Variants in CDH13 observed in about 807,000 individuals in gnomAD.
CDH13 encodes cadherin-13.
In CDH13, 24 loss-of-function variants were observed where a neutral mutation model predicts 63.8. That is an observed-to-expected ratio of 0.38 (90% confidence interval 0.27 to 0.53). The LOEUF is 0.53. Among genes scored for constraint, CDH13 ranks in the 20% least tolerant of loss-of-function variants. The pLI is 0.85. For synonymous variants in CDH13, 503 were observed against 355.3 expected, an observed-to-expected ratio of 1.42 and a Z score of -4.67; for missense variants, 1,049 against 903.1, an observed-to-expected ratio of 1.16 and a Z score of -2.07.
chr16:83,733,768 C>G (rs542655762), intron 10 of CDH13, among the ~76,000 whole-genome samples: 1 of 152,156 alleles, frequency 6.6e-6, no homozygotes, highest in African/African-American at 2.4e-5. Context: ...TCTGACATCC[C>G]AGTTTGCTCT....
chr16:82,668,418 G>C (rs1912860347), intron 1 of CDH13, among the ~76,000 whole-genome samples: 2 of 152,142 alleles, frequency 1.3e-5, no homozygotes, highest in Admixed American at 6.5e-5. Flanking sequence ...GGTAAAATAA[G>C]TAGATAGGGA....
At chr16:83,450,889 TAAAG>T (rs543148260) in intron 6 of CDH13, among the ~76,000 whole-genome samples, 29 of 152,004 alleles carry the variant, frequency 1.9e-4, no homozygotes, top group South Asian at 1.7e-3. Flanking sequence ...AAAAAATTGA[TAAAG>T]AGAGTTCATG....
In CDH13 at chr16:83,796,720, G is replaced by A. The variant is rs1904283288; in HGVS notation, c.*1690G>A. The A allele has an allele frequency of 6.6e-6, 1 of 152,098 alleles. No homozygotes were observed. The highest frequency in any genetic ancestry group is 1.5e-5 in the Non-Finnish European group (1 of 68,012). The allele number at this position is 152,098 out of a possible 1,614,324, so 9.4% of individuals were successfully genotyped here. On this transcript the variant is annotated 3_prime_UTR_variant, in exon 14 of 14. Coordinates refer to ENST00000567109, the MANE Select transcript of CDH13 (RefSeq NM_001257.5). ...TGGGGTCCGTCGTACATCTCTGGTT[G>A]GTGAGTGAGTCTATGAAGACAGAAG...
At chr16:83,014,780 ATATATATATT>A (rs1567745825) in intron 2 of CDH13, among the ~76,000 whole-genome samples, 4 of 117,898 alleles carry the variant, frequency 3.4e-5, no homozygotes, top group Non-Finnish European at 5.2e-5. Flanking sequence ...ATATATGTAT[ATATATATATT>A]TGTATATATA....
intron 2 of CDH13, among the ~76,000 whole-genome samples, chr16:82,979,434 TGTG>T: frequency 6.6e-6 from 1 of 152,210 alleles, no homozygotes; most frequent in South Asian, 2.1e-4. Context: ...AATCCCTACA[TGTG>T]GTGGGAGGGA....
At chr16:83,413,815 C>A (rs1376686637) in intron 6 of CDH13, among the ~76,000 whole-genome samples, 1 of 152,010 alleles carries the variant, frequency 6.6e-6, no homozygotes, top group Non-Finnish European at 1.5e-5. Context: ...TGGTAAAACC[C>A]CGTCTCTACT....
chr16:83,453,882 A>G (rs1346260312), intron 6 of CDH13, among the ~76,000 whole-genome samples: 3 of 152,176 alleles, frequency 2.0e-5, no homozygotes, highest in Non-Finnish European at 4.4e-5. Flanking sequence ...TTTGTAGTCC[A>G]TGGTCAAAAG....
intron 1 of CDH13, among the ~76,000 whole-genome samples, chr16:82,772,728 T>C (rs2035320533): frequency 6.6e-6 from 1 of 152,200 alleles, no homozygotes. Flanking sequence ...GTCATCCTTC[T>C]TCTACAGATG....
intron 3 of CDH13, among the ~76,000 whole-genome samples, chr16:83,086,631 C>T (rs977091881): frequency 9.2e-5 from 14 of 152,228 alleles, no homozygotes; most frequent in African/African-American, 3.4e-4. Flanking sequence ...TTGACCTTGA[C>T]ATTTAAACCA....
intron 10 of CDH13, among the ~76,000 whole-genome samples, chr16:83,695,583 C>A (rs971210443): frequency 6.6e-6 from 1 of 151,668 alleles, no homozygotes. Flanking sequence ...AGCTAGGCTC[C>A]AAAGAAAAAG....
intron 2 of CDH13, among the ~76,000 whole-genome samples, chr16:82,909,508 G>A (rs1453208152): frequency 6.7e-6 from 1 of 149,426 alleles, no homozygotes; most frequent in Non-Finnish European, 1.5e-5. Context: ...CCGAGACTGG[G>A]TAATTTATAA....
At chr16:83,169,737 T>C (rs1379023261) in intron 4 of CDH13, among the ~76,000 whole-genome samples, 2 of 152,090 alleles carry the variant, frequency 1.3e-5, no homozygotes, top group Non-Finnish European at 2.9e-5. Flanking sequence ...AGCTAGTTAT[T>C]TGAATTAATT....
chr16:83,674,006 GA>G (rs1397239721), intron 9 of CDH13, among the ~76,000 whole-genome samples: 2 of 152,162 alleles, frequency 1.3e-5, no homozygotes, highest in African/African-American at 4.8e-5. Context: ...AGGTCAGTAG[GA>G]AGGGCCTTGA....
chr16:83,617,317 ACCT>A (rs1338232044), intron 8 of CDH13, among the ~76,000 whole-genome samples: 1 of 152,160 alleles, frequency 6.6e-6, no homozygotes, highest in African/African-American at 2.4e-5. Flanking sequence ...ATACAATGTT[ACCT>A]GTATACCATT....
chr16:83,404,442 G>A (rs1004423414), intron 6 of CDH13, among the ~76,000 whole-genome samples: 3 of 152,158 alleles, frequency 2.0e-5, no homozygotes, highest in Non-Finnish European at 4.4e-5. Flanking sequence ...TATCAGTAAG[G>A]GTAAGCAGCT....
intron 2 of CDH13, among the ~76,000 whole-genome samples, chr16:82,950,338 G>C (rs1431245887): frequency 1.3e-5 from 2 of 151,874 alleles, no homozygotes; most frequent in African/African-American, 4.8e-5. Context: ...ATTTTTTTTG[G>C]TAAGGACGTG....
At chr16:83,729,978 G>C (rs1022095934) in intron 10 of CDH13, among the ~76,000 whole-genome samples, 1 of 152,206 alleles carries the variant, frequency 6.6e-6, no homozygotes, top group African/African-American at 2.4e-5. Context: ...TGAGAAGGGG[G>C]CAGCGAGCCT....
chr16:82,695,162 C>T (rs1179350054), intron 1 of CDH13, among the ~76,000 whole-genome samples: 2 of 151,950 alleles, frequency 1.3e-5, no homozygotes, highest in Non-Finnish European at 2.9e-5. Flanking sequence ...GAGTCCAGAC[C>T]CTGGGGGCCT....
chr16:82,780,040 A>C (rs2035678996), intron 1 of CDH13, among the ~76,000 whole-genome samples: 1 of 152,182 alleles, frequency 6.6e-6, no homozygotes, highest in Non-Finnish European at 1.5e-5. Context: ...TTTCAGGTAC[A>C]CAGGTGATTT....
Sources: allele counts gnomAD v4.1 joint callset (sites outside exome capture counted in the v4.1 genomes callset), GRCh38; gene constraint gnomAD v4.1.1; transcripts MANE v1.5; gene names NCBI Gene and HGNC (gene_info 2026-07-23, HGNC 2026-07-21).